GALNTL6: variants seen among roughly 807,000 people sequenced by gnomAD.
The protein encoded by GALNTL6 is polypeptide N-acetylgalactosaminyltransferase like 6.
A neutral mutation model predicts 73.7 loss-of-function variants in GALNTL6; 46 were observed. The ratio of observed to expected loss-of-function variants is 0.62; its 90% CI spans 0.49 to 0.80. The LOEUF is 0.80. Ranked by LOEUF, GALNTL6 falls within the 30% of genes least tolerant of loss-of-function variation. The probability of loss-of-function intolerance (pLI) is 0.00; values close to 1 mark genes in which losing one functional copy is unlikely to be tolerated. For synonymous variants in GALNTL6, 259 were observed against 263.7 expected, an observed-to-expected ratio of 0.98 and a Z score of 0.17; for missense variants, 604 against 755.0, an observed-to-expected ratio of 0.80 and a Z score of 2.34.
chr4:171,992,700 A>T (rs1740375570), intron 2 of GALNTL6, among the ~76,000 whole-genome samples: 1 of 152,104 alleles, frequency 6.6e-6, no homozygotes, highest in Non-Finnish European at 1.5e-5. Flanking sequence ...AAGAGAGTAT[A>T]TCTCTTATTC....
chr4:173,004,262 G>C (rs1474707877), intron 10 of GALNTL6, among the ~76,000 whole-genome samples: 1 of 152,130 alleles, frequency 6.6e-6, no homozygotes, highest in East Asian at 1.9e-4. Flanking sequence ...TCTCCATCCA[G>C]TTCTCTTTCT....
At chr4:172,457,761 G>A (rs552843059) in intron 5 of GALNTL6, among the ~76,000 whole-genome samples, 1 of 152,204 alleles carries the variant, frequency 6.6e-6, no homozygotes, top group Non-Finnish European at 1.5e-5. Context: ...ATAATAATGG[G>A]AGACTTTTTA....
chr4:172,061,447 TCCCCTCAA>T (rs1731197779), intron 2 of GALNTL6, among the ~76,000 whole-genome samples: 1 of 152,044 alleles, frequency 6.6e-6, no homozygotes, highest in South Asian at 2.1e-4. Flanking sequence ...TGTTGCAAAA[TCCCCTCAA>T]GCTCCTTTAT....
At chr4:171,893,070 T>C (rs1044767826) in intron 2 of GALNTL6, among the ~76,000 whole-genome samples, 3 of 152,212 alleles carry the variant, frequency 2.0e-5, no homozygotes, top group African/African-American at 7.2e-5. Flanking sequence ...TAGGAATTAT[T>C]ATCCCGGTTT....
intron 2 of GALNTL6, among the ~76,000 whole-genome samples, chr4:171,890,095 A>C (rs2110924977): frequency 6.6e-6 from 1 of 152,280 alleles, no homozygotes; most frequent in East Asian, 1.9e-4. Flanking sequence ...CTAAAGGAAT[A>C]GTTAAAGTTT....
chr4:172,288,094 A>ATTTT (rs11354201), intron 3 of GALNTL6, among the ~76,000 whole-genome samples: 34 of 144,692 alleles, frequency 2.3e-4, no homozygotes, highest in Middle Eastern at 3.6e-3. Context: ...GATAGAATTG[A>ATTTT]TTTTTTTTTT....
At chr4:172,318,600 G>A (rs185396735) in intron 4 of GALNTL6, among the ~76,000 whole-genome samples, 87 of 152,226 alleles carry the variant, frequency 5.7e-4, no homozygotes, top group Non-Finnish European at 8.8e-4. Context: ...TACTCTGGAG[G>A]CTGAGGCAGG....
At chr4:172,155,607 C>T (rs938299488) in intron 2 of GALNTL6, among the ~76,000 whole-genome samples, 1 of 152,126 alleles carries the variant, frequency 6.6e-6, no homozygotes, top group Non-Finnish European at 1.5e-5. Context: ...TGCAAACTAG[C>T]ATTATGAAAT....
At chr4:172,210,412 C>T (rs1161715936) in intron 2 of GALNTL6, among the ~76,000 whole-genome samples, 1 of 152,054 alleles carries the variant, frequency 6.6e-6, no homozygotes, top group Non-Finnish European at 1.5e-5. Context: ...ATCATATCTC[C>T]TTAGGCTTCT....
chr4:172,651,439 T>G (rs1740472279), intron 5 of GALNTL6, among the ~76,000 whole-genome samples: 1 of 152,192 alleles, frequency 6.6e-6, no homozygotes, highest in Admixed American at 6.5e-5. Flanking sequence ...TTGCTCTGAT[T>G]TTTTCACTTT....
chr4:172,180,975 G>A (rs1450468222), intron 2 of GALNTL6, among the ~76,000 whole-genome samples: 1 of 152,086 alleles, frequency 6.6e-6, no homozygotes, highest in African/African-American at 2.4e-5. Context: ...ATTTAAAGTA[G>A]TTTTTTTCCA....
chr4:172,143,693 T>G (rs977672324), intron 2 of GALNTL6, among the ~76,000 whole-genome samples: 4 of 152,114 alleles, frequency 2.6e-5, no homozygotes, highest in Non-Finnish European at 5.9e-5. Context: ...CTGCCCCCCA[T>G]TCATGAAGTC....
chr4:172,096,276 T>C (rs987012455), intron 2 of GALNTL6, among the ~76,000 whole-genome samples: 2 of 152,086 alleles, frequency 1.3e-5, no homozygotes, highest in Non-Finnish European at 1.5e-5. Flanking sequence ...GCTAATTGTT[T>C]AGAGACAGGG....
At chr4:172,474,741 T>C (rs1733172477) in intron 5 of GALNTL6, among the ~76,000 whole-genome samples, 1 of 152,240 alleles carries the variant, frequency 6.6e-6, no homozygotes, top group African/African-American at 2.4e-5. Flanking sequence ...GTTCTTGTTT[T>C]ATATTATTCT....
intron 8 of GALNTL6, among the ~76,000 whole-genome samples, chr4:172,891,032 A>G (rs1004661839): frequency 6.6e-6 from 1 of 151,942 alleles, no homozygotes; most frequent in Non-Finnish European, 1.5e-5. Flanking sequence ...TACCATTTGC[A>G]TAATAGATCT....
chr4:172,623,590 G>T (rs150173366), intron 5 of GALNTL6, among the ~76,000 whole-genome samples: 2 of 152,208 alleles, frequency 1.3e-5, no homozygotes, highest in East Asian at 3.9e-4. Context: ...GTTGTGTTTT[G>T]TAATCTAGCC....
chr4:172,730,771 A>G lies in GALNTL6; in HGVS notation c.554-78590A>G, dbSNP rs76223824. On this transcript the variant is annotated intron_variant, in intron 5 of 12. Transcript: ENST00000506823. ...CTTGGGAAGTATTCCCTCCTCTTCA[A>G]ATTTTTGTAAGAGTTTGAATAGGAT... Among the ~76,000 whole-genome samples, 986 of 152,188 alleles carry G rather than the reference A, an allele frequency of 6.5e-3. 3 individuals carry two copies. Among genetic ancestry groups the G allele is most frequent in the Middle Eastern group, 0.017 (5 of 294 alleles).
intron 5 of GALNTL6, among the ~76,000 whole-genome samples, chr4:172,730,298 G>C (rs936981044): frequency 6.6e-6 from 1 of 152,144 alleles, no homozygotes; most frequent in Non-Finnish European, 1.5e-5. Flanking sequence ...GGGAATCCTT[G>C]TCTTGTTCCA....
chr4:171,959,649 C>T (rs1220702866), intron 2 of GALNTL6, among the ~76,000 whole-genome samples: 1 of 152,110 alleles, frequency 6.6e-6, no homozygotes, highest in Non-Finnish European at 1.5e-5. Flanking sequence ...CCAGGTGTTC[C>T]AGACCATCCT....
Sources: allele counts gnomAD v4.1 joint callset (sites outside exome capture counted in the v4.1 genomes callset), GRCh38; gene constraint gnomAD v4.1.1; transcripts MANE v1.5; gene names NCBI Gene and HGNC (gene_info 2026-07-23, HGNC 2026-07-21).